Variants in GUCA1C observed in about 807,000 individuals in gnomAD.
GUCA1C encodes the protein guanylyl cyclase-activating protein 3.
In GUCA1C, 15 loss-of-function variants were observed where a neutral mutation model predicts 16.2. The ratio of observed to expected loss-of-function variants is 0.93; its 90% CI spans 0.62 to 1.43. The LOEUF (loss-of-function observed/expected upper bound fraction) is 1.43. GUCA1C is among the 40% of genes most tolerant of loss of function. The probability of loss-of-function intolerance (pLI) is 0.00; values close to 1 mark genes in which losing one functional copy is unlikely to be tolerated. For synonymous variants in GUCA1C, 78 were observed against 85.4 expected (o/e 0.91, Z 0.48); for missense variants, 275 against 244.8 (o/e 1.12, Z -0.82).
chr3:108,938,586 C>T (rs938563295), intron 1 of GUCA1C, among the ~76,000 whole-genome samples: 11 of 152,114 alleles, frequency 7.2e-5, no homozygotes, highest in Non-Finnish European at 1.3e-4. Context: ...GGAAATGTTG[C>T]GTACAGGATT....
intron 1 of GUCA1C, among the ~76,000 whole-genome samples, chr3:108,947,333 G>T (rs770625218): frequency 6.6e-6 from 1 of 152,112 alleles, no homozygotes; most frequent in Non-Finnish European, 1.5e-5. Flanking sequence ...ATATCCTCAC[G>T]TTTGAGTAGG....
At chr3:108,920,133 A>G (rs937824312) in intron 2 of GUCA1C, among the ~76,000 whole-genome samples, 17 of 152,182 alleles carry the variant, frequency 1.1e-4, no homozygotes, top group African/African-American at 3.1e-4. Flanking sequence ...CTCACAAGGC[A>G]TTCTGCACTG....
intron 1 of GUCA1C, among the ~76,000 whole-genome samples, chr3:108,951,452 G>T (rs1946894993): frequency 6.6e-6 from 1 of 152,008 alleles, no homozygotes; most frequent in African/African-American, 2.4e-5. Flanking sequence ...AAAAAATAAA[G>T]TCGAACTTAT....
chr3:108,916,088 T>G (rs1946507073), intron 3 of GUCA1C, 39 bp downstream of exon 3: 1 of 1,609,132 alleles, frequency 6.2e-7, no homozygotes, highest in African/African-American at 1.3e-5. Context: ...ATCTCCTACT[T>G]TGTAGGAAAA....
At chr3:108,914,198 G>A (rs965514233) in intron 3 of GUCA1C, among the ~76,000 whole-genome samples, 1 of 152,104 alleles carries the variant, frequency 6.6e-6, no homozygotes, top group East Asian at 1.9e-4. Flanking sequence ...AAGTGAAAGA[G>A]CTCATCTCTC....
chr3:108,935,910 A>T (rs1576552973), intron 1 of GUCA1C, among the ~76,000 whole-genome samples: 2 of 152,328 alleles, frequency 1.3e-5, no homozygotes, highest in South Asian at 4.1e-4. Flanking sequence ...ATGAGCTCCC[A>T]GAAATCACAG....
intron 1 of GUCA1C, among the ~76,000 whole-genome samples, chr3:108,951,107 A>G (rs1946892276): frequency 6.6e-6 from 1 of 152,180 alleles, no homozygotes; most frequent in South Asian, 2.1e-4. Context: ...AAAAAAAATC[A>G]AATAGAGTGG....
intron 1 of GUCA1C, among the ~76,000 whole-genome samples, chr3:108,949,445 A>G (rs1223697655): frequency 6.6e-6 from 1 of 152,204 alleles, no homozygotes; most frequent in African/African-American, 2.4e-5. Flanking sequence ...GCCTGTAGAC[A>G]GAGGACTCTC....
At chr3:108,934,217 A>T (rs1479767994) in intron 1 of GUCA1C, among the ~76,000 whole-genome samples, 2 of 152,168 alleles carry the variant, frequency 1.3e-5, no homozygotes, top group African/African-American at 4.8e-5. Flanking sequence ...TAGGACAAAT[A>T]CATAATGCAT....
intron 3 of GUCA1C, chr3:108,915,883 CTCA>C (rs1946504555): frequency 2.0e-6 from 1 of 502,104 alleles, no homozygotes; most frequent in Admixed American, 3.7e-5. Flanking sequence ...GATTTATTTG[CTCA>C]TCTCACCTTT....
intron 1 of GUCA1C, among the ~76,000 whole-genome samples, chr3:108,940,750 T>C (rs1333548802): frequency 6.6e-6 from 1 of 152,170 alleles, no homozygotes; most frequent in Non-Finnish European, 1.5e-5. Flanking sequence ...GAGGTCAGAG[T>C]TATCTGCATT....
chr3:108,909,958 C>A (rs1946432302), intron 3 of GUCA1C, among the ~76,000 whole-genome samples: 1 of 152,178 alleles, frequency 6.6e-6, no homozygotes. Flanking sequence ...TAAGCCCTAA[C>A]CACAATTACC....
intron 1 of GUCA1C, among the ~76,000 whole-genome samples, chr3:108,932,905 A>G (rs1207449834): frequency 2.5e-5 from 3 of 122,286 alleles, no homozygotes; most frequent in Non-Finnish European, 5.2e-5. Flanking sequence ...CTGGGCCACA[A>G]GAAAAAAAAA....
At chr3:108,931,637 C>T (rs1946666742) in intron 1 of GUCA1C, among the ~76,000 whole-genome samples, 1 of 152,058 alleles carries the variant, frequency 6.6e-6, no homozygotes, top group Non-Finnish European at 1.5e-5. Context: ...GATTTAATGG[C>T]TTGTGTTAGT....
At chr3:108,910,801 C>G (rs1428544667) in intron 3 of GUCA1C, among the ~76,000 whole-genome samples, 1 of 151,728 alleles carries the variant, frequency 6.6e-6, no homozygotes, top group African/African-American at 2.4e-5. Context: ...AGGCGCCCAC[C>G]ACCACACCTG....
At chr3:108,952,370 C>T (rs1946903284) in intron 1 of GUCA1C, among the ~76,000 whole-genome samples, 1 of 152,170 alleles carries the variant, frequency 6.6e-6, no homozygotes, top group Admixed American at 6.5e-5. Flanking sequence ...CTTTTGCTTG[C>T]ATTGACACTA....
At chr3:108,954,482 A>G (rs1421549352), upstream of GUCA1C, among the ~76,000 whole-genome samples, 1 of 151,856 alleles carries the variant, frequency 6.6e-6, no homozygotes, top group African/African-American at 2.4e-5. Context: ...TGGTCTCTCA[A>G]GTATCTACAC....
In GUCA1C at chr3:108,919,019, C is replaced by A. The variant is rs372486639; in HGVS notation, c.354+1417G>T. On this transcript the variant is annotated intron_variant, in intron 2 of 3. Transcript: ENST00000261047. The stretch of plus-strand genomic sequence containing the variant: ...CTCTAAAACAAAGATCAGCTTTTAG[C>A]CTCTTGACGCAGATTACCACATTTC... 7.4e-4 allele frequency among the ~76,000 whole-genome samples: 113 copies of A among 152,134 alleles called. 1 individual carries two copies. Among genetic ancestry groups the A allele is most frequent in the Admixed American group, 3.5e-3 (54 of 15,276 alleles).
At chr3:108,945,754 G>A (rs897926065) in intron 1 of GUCA1C, among the ~76,000 whole-genome samples, 1 of 152,022 alleles carries the variant, frequency 6.6e-6, no homozygotes, top group South Asian at 2.1e-4. Context: ...AACTTGTGGG[G>A]TTTTTCCTAG....
Sources: gnomAD v4.1 joint callset for allele counts (sites outside exome capture counted in the v4.1 genomes callset) on GRCh38, gnomAD v4.1.1 for gene constraint, MANE v1.5 for transcripts, NCBI Gene and HGNC (gene_info 2026-07-23, HGNC 2026-07-21) for gene names.